The following NAV1 variants were observed in gnomAD, a reference collection of about 807,000 sequenced individuals.
NAV1 encodes pore membrane and/or filament interacting like protein 3.
A neutral mutation model predicts 175.2 loss-of-function variants in NAV1; 18 were observed. The ratio of observed to expected loss-of-function variants is 0.10; its 90% confidence interval spans 0.07 to 0.15. The LOEUF (loss-of-function observed/expected upper bound fraction) is 0.15. Ranked by LOEUF, NAV1 falls within the 10% of genes least tolerant of loss-of-function variation. The pLI is 1.00. For missense variants in NAV1, 1,731 were observed against 2,436.6 expected (o/e 0.71, Z 6.10); for synonymous variants, 897 against 978.7 (o/e 0.92, Z 1.56).
chr1:201,587,250 G>T (rs1383502673), intron 1 of NAV1, among the ~76,000 whole-genome samples: 1 of 151,312 alleles, frequency 6.6e-6, no homozygotes, highest in Non-Finnish European at 1.5e-5. Context: ...TATGTTATGT[G>T]TAGTTTACCA....
chr1:201,650,606 T>C (rs1233780466), intron 1 of NAV1, among the ~76,000 whole-genome samples: 4 of 152,104 alleles, frequency 2.6e-5, no homozygotes, highest in East Asian at 3.9e-4. Context: ...GTGGGGAACA[T>C]GCAAGAGCTC....
At chr1:201,799,717 G>A (rs748583920) in intron 15 of NAV1, among the ~76,000 whole-genome samples, 178 of 151,998 alleles carry the variant, frequency 1.2e-3, no homozygotes, top group Non-Finnish European at 1.9e-3. Flanking sequence ...AAAATAAGCT[G>A]TTCATGGTGG....
At position 201,812,263 on chromosome 1, in the gene NAV1, C is replaced by T. The variant is rs1271555485; in HGVS notation, c.5025-202C>T. Among the ~76,000 whole-genome samples the T allele has an allele frequency of 2.0e-5, 3 of 152,150 alleles. No homozygotes were observed. The highest frequency in any genetic ancestry group is 7.2e-5 in the African/African-American group (3 of 41,440). On this transcript the variant is annotated intron_variant, in intron 26 of 29. Coordinates refer to ENST00000367296, the Ensembl canonical transcript of NAV1. The surrounding 1 kb of genome is among the most constrained non-coding windows in gnomAD (Gnocchi z 4.6). ...GGGTCAGTGATGTCAGAAGGTTATC[C>T]GAAGAGGGCTACCAATTTGAGAATC...
At chr1:201,749,691 G>C (rs920182474) in intron 3 of NAV1, among the ~76,000 whole-genome samples, 4 of 152,108 alleles carry the variant, frequency 2.6e-5, no homozygotes, top group African/African-American at 9.7e-5. Context: ...GTTTCAAAAG[G>C]GAAATTGCTA....
intron 2 of NAV1, among the ~76,000 whole-genome samples, chr1:201,614,162 T>C (rs1288993148): frequency 6.6e-6 from 1 of 152,180 alleles, no homozygotes; most frequent in Admixed American, 6.5e-5. Flanking sequence ...TCAGAGATAC[T>C]CCAGCCCTTT....
intron 1 of NAV1, 88 bp from the exon 4 acceptor site, chr1:201,629,316 G>C (rs1668421530): frequency 1.1e-6 from 1 of 946,544 alleles, no homozygotes; most frequent in Non-Finnish European, 1.4e-6. Flanking sequence ...GAAGAACCAA[G>C]TTCTAAGAGG....
chr1:201,784,293 G>T (rs1364923558), intron 7 of NAV1, among the ~76,000 whole-genome samples: 1 of 152,182 alleles, frequency 6.6e-6, no homozygotes, highest in Non-Finnish European at 1.5e-5. Flanking sequence ...AAGTAGCTGG[G>T]ATTACAGGCA....
chr1:201,732,842 G>A (rs1014551345), intron 3 of NAV1, among the ~76,000 whole-genome samples: 2 of 152,170 alleles, frequency 1.3e-5, no homozygotes, highest in Non-Finnish European at 2.9e-5. Flanking sequence ...AGGCCAAGGC[G>A]GGTGGATCAC....
At chr1:201,722,047 A>G (rs1237771417) in intron 3 of NAV1, among the ~76,000 whole-genome samples, 3 of 152,226 alleles carry the variant, frequency 2.0e-5, no homozygotes, top group Admixed American at 2.0e-4. Context: ...TACCAGAATA[A>G]TCATACATGT....
rs1375748491 is a variant in NAV1 at position 201,789,731 on chromosome 1, C to T, written c.3167-9C>T. On this transcript the variant is annotated splice_polypyrimidine_tract_variant and intron_variant, in intron 10 of 29. Transcript: ENST00000367296. Reference sequence around the variant, plus strand: ...ACTGTTAACTCTTTGTGTTCTCCTTCTCTTTCAGTTCACGGCTCAGTGCTG... The same window carrying T: ...ACTGTTAACTCTTTGTGTTCTCCTTTTCTTTCAGTTCACGGCTCAGTGCTG... 6.2e-7 allele frequency: 1 copy of T among 1,613,952 alleles called. No homozygotes were observed. The highest frequency in any genetic ancestry group is 1.7e-5 in the Admixed American group (1 of 60,002).
chr1:201,704,599 C>T (rs373628419), intron 1 of NAV1, among the ~76,000 whole-genome samples: 68 of 152,352 alleles, frequency 4.5e-4, no homozygotes, highest in Admixed American at 8.5e-4. Flanking sequence ...ATCAGGAAGT[C>T]AAGCCCTGGT....
At chr1:201,778,507 T>A (rs567401826) in intron 3 of NAV1, among the ~76,000 whole-genome samples, 1 of 152,340 alleles carries the variant, frequency 6.6e-6, no homozygotes, top group South Asian at 2.1e-4. Context: ...TCCTCAGTAT[T>A]CTTTCTCTAC....
chr1:201,558,348 A>C (rs1314636658), intron 1 of NAV1, among the ~76,000 whole-genome samples: 2 of 152,216 alleles, frequency 1.3e-5, no homozygotes, highest in Non-Finnish European at 2.9e-5. Flanking sequence ...GAATGAGCCC[A>C]GTGCTCAGAT....
chr1:201,692,495 C>T (rs773249755), intron 1 of NAV1, among the ~76,000 whole-genome samples: 7 of 152,154 alleles, frequency 4.6e-5, no homozygotes, highest in Non-Finnish European at 8.8e-5. Flanking sequence ...TCCTTGGTAA[C>T]AGGAGTTTGT....
chr1:201,588,518 ATTT>A lies in NAV1; in HGVS notation c.-143-7_-143-5del, dbSNP rs58689392. ...AGGTGCCACCACACCCAGCTGATTA[ATTT>A]TTTTTTTTTTTTTGTAGAGACAGAG... On this transcript the variant is annotated intron_variant, in intron 1 of 33. Transcript: ENST00000685211. 8.6e-5 allele frequency among the ~76,000 whole-genome samples: 12 copies of A among 139,570 alleles called. No individual in the cohort carries two copies. Among genetic ancestry groups the A allele is most frequent in the African/African-American group, 3.2e-4 (12 of 37,314 alleles). The allele number at this position is 139,570 out of a possible 152,430, so 91.6% of individuals were successfully genotyped here. A position where few individuals can be genotyped will look rare whatever the true frequency, so the allele number is the denominator to read the frequency against.
At chr1:201,816,952 G>A in intron 28 of NAV1, 136 bp from the exon 33 acceptor site, 1 of 718,458 alleles carries the variant, frequency 1.4e-6, no homozygotes, top group Non-Finnish European at 2.3e-6. Flanking sequence ...GGGATTACAG[G>A]CATGAGCCAC....
chr1:201,550,289 A>G (rs971610599), intron 1 of NAV1, among the ~76,000 whole-genome samples: 1 of 152,066 alleles, frequency 6.6e-6, no homozygotes, highest in Non-Finnish European at 1.5e-5. Flanking sequence ...CTCCTGCCTC[A>G]GCCTCCTAAA....
chr1:201,727,287 A>T (rs560226154), intron 3 of NAV1, among the ~76,000 whole-genome samples: 1 of 152,334 alleles, frequency 6.6e-6, no homozygotes, highest in East Asian at 1.9e-4. Context: ...GAATGTATTA[A>T]CCTTCATGCT....
intron 1 of NAV1, among the ~76,000 whole-genome samples, chr1:201,660,252 G>A (rs1356154855): frequency 6.6e-6 from 1 of 152,212 alleles, no homozygotes; most frequent in Non-Finnish European, 1.5e-5. Flanking sequence ...ACAGTGGATG[G>A]CAGCAGACAT....
Sources: gnomAD v4.1 joint callset for allele counts (sites outside exome capture counted in the v4.1 genomes callset) on GRCh38, gnomAD v4.1.1 for gene constraint, Gnocchi (gnomAD v3.1) non-coding constraint, MANE v1.5 for transcripts, NCBI Gene and HGNC (gene_info 2026-07-23, HGNC 2026-07-21) for gene names.